Variants in CMIP observed in about 807,000 individuals in gnomAD.
CMIP encodes the protein C-Maf-inducing protein.
CMIP carries 13 observed loss-of-function variants against 97.3 expected under a neutral mutation model. The ratio of observed to expected loss-of-function variants is 0.13; its 90% CI spans 0.09 to 0.21. The LOEUF (loss-of-function observed/expected upper bound fraction) is 0.21. Ranked by LOEUF, CMIP falls within the 10% of genes least tolerant of loss-of-function variation. The probability of loss-of-function intolerance (pLI) is 1.00; values close to 1 mark genes in which losing one functional copy is unlikely to be tolerated. For missense variants in CMIP, 847 were observed against 1,024.9 expected (o/e 0.83, Z 2.37); for synonymous variants, 538 against 436.3 (o/e 1.23, Z -2.91).
chr16:81,672,769 G>A (rs969409750), intron 9 of CMIP, among the ~76,000 whole-genome samples: 1 of 152,266 alleles, frequency 6.6e-6, no homozygotes, highest in East Asian at 1.9e-4. Flanking sequence ...GTAAAGACAG[G>A]ATCTTGCTGT....
intron 3 of CMIP, among the ~76,000 whole-genome samples, chr16:81,623,155 G>T (rs545255642): frequency 6.6e-6 from 1 of 152,302 alleles, no homozygotes; most frequent in South Asian, 2.1e-4. Flanking sequence ...AGTGAGCCAA[G>T]ATTGGTCCAC....
At chr16:81,506,456 A>G (rs1008606902) in intron 1 of CMIP, among the ~76,000 whole-genome samples, 1 of 152,148 alleles carries the variant, frequency 6.6e-6, no homozygotes, top group Non-Finnish European at 1.5e-5. Flanking sequence ...TTACATTGCA[A>G]TTTATTGTTT....
At chr16:81,521,569 G>A (rs762746114) in intron 1 of CMIP, among the ~76,000 whole-genome samples, 20 of 152,180 alleles carry the variant, frequency 1.3e-4, no homozygotes, top group Non-Finnish European at 2.2e-4. Flanking sequence ...TCACCTGAGG[G>A]GAGGGTGCTT....
At chr16:81,588,783 A>C (rs919878624) in intron 1 of CMIP, among the ~76,000 whole-genome samples, 2 of 152,150 alleles carry the variant, frequency 1.3e-5, no homozygotes, top group Non-Finnish European at 2.9e-5. Flanking sequence ...TCTGTGCTGT[A>C]CACGCTGACA....
At chr16:81,479,169 C>T (rs967890080) in intron 1 of CMIP, among the ~76,000 whole-genome samples, 5 of 152,126 alleles carry the variant, frequency 3.3e-5, no homozygotes, top group Non-Finnish European at 7.4e-5. Flanking sequence ...ACAGAGAAAA[C>T]ACATGCGTAG....
intron 10 of CMIP, among the ~76,000 whole-genome samples, chr16:81,690,123 G>A (rs1905885730): frequency 1.3e-5 from 2 of 152,170 alleles, no homozygotes; most frequent in South Asian, 4.1e-4. Flanking sequence ...GCTTAGGATT[G>A]TCTTGGCAAT....
Position 81,444,969 on chromosome 16 carries a change from G to C in CMIP, c.-273G>C, listed in dbSNP as rs1025459222. Reference sequence around the variant, plus strand: ...TCGGCCTCCCCCGCCCCTCCCCGTCGCCCGCCGAGCCCGGTCAGCCGCCGC... The same window carrying C: ...TCGGCCTCCCCCGCCCCTCCCCGTCCCCCGCCGAGCCCGGTCAGCCGCCGC... On this transcript the variant is annotated 5_prime_UTR_variant, in exon 1 of 21. Transcript: ENST00000537098. Among the ~76,000 whole-genome samples, 14 of 129,380 alleles carry C rather than the reference G, an allele frequency of 1.1e-4. No individual in the cohort carries two copies. The highest frequency in any genetic ancestry group is 9.3e-3 in the Middle Eastern group (2 of 214). 84.9% of individuals were successfully genotyped at this position (129,380 alleles called of 152,430 possible).
At chr16:81,562,700 T>C (rs2090906439) in intron 1 of CMIP, among the ~76,000 whole-genome samples, 1 of 152,272 alleles carries the variant, frequency 6.6e-6, no homozygotes, top group African/African-American at 2.4e-5. Flanking sequence ...TTCACTCATC[T>C]GTCCAGTGCC....
At chr16:81,512,368 C>G (rs1419778742) in intron 1 of CMIP, among the ~76,000 whole-genome samples, 1 of 152,170 alleles carries the variant, frequency 6.6e-6, no homozygotes, top group African/African-American at 2.4e-5. Context: ...ATCACCACCC[C>G]CATCACCTTT....
rs755333065 is a variant in CMIP, at chr16:81,693,176, G to A, written c.1473G>A (p.Lys491=). 6.2e-7 allele frequency: 1 copy of A among 1,613,190 alleles called. No homozygotes were observed. Among genetic ancestry groups the A allele is most frequent in the Non-Finnish European group, 8.5e-7 (1 of 1,179,318 alleles). Residue 491 remains lysine (K), a synonymous_variant, in exon 12 of 21, where the codon AAG becomes AAA. Transcript: ENST00000537098. ...GTTGCAGAGCTCTCGCACATGAGAA[G>A]TTCACCAAGTGAGTGTCTGGGCACC... is the stretch of plus-strand genomic sequence containing the variant. The part of the protein sequence containing the change: ...PFPKEALAHE[K]FTKELKYVIQ...
intron 10 of CMIP, among the ~76,000 whole-genome samples, chr16:81,690,947 G>A (rs11644560): frequency 0.26 from 40,133 of 151,456 alleles, 5,427 homozygotes; most frequent in African/African-American, 0.29. Context: ...ATAAATTTTA[G>A]AAAAAGAAAA....
At chr16:81,450,240 G>T (rs1416350561) in intron 1 of CMIP, among the ~76,000 whole-genome samples, 2 of 152,192 alleles carry the variant, frequency 1.3e-5, no homozygotes, top group African/African-American at 4.8e-5. Context: ...CATTGCAGGG[G>T]GTCAGCTTAC....
chr16:81,532,039 G>A (rs368364087), intron 1 of CMIP, among the ~76,000 whole-genome samples: 1 of 152,146 alleles, frequency 6.6e-6, no homozygotes, highest in African/African-American at 2.4e-5. Flanking sequence ...GCACTAAGTC[G>A]GGCGCTTTAT....
intron 16 of CMIP, among the ~76,000 whole-genome samples, chr16:81,702,322 C>T (rs1041615397): frequency 2.6e-5 from 4 of 152,072 alleles, no homozygotes; most frequent in Admixed American, 6.5e-5. Flanking sequence ...TAGAGTCCCC[C>T]GGTGGGATTT....
At chr16:81,460,311 C>A (rs1328850060) in intron 1 of CMIP, among the ~76,000 whole-genome samples, 1 of 152,130 alleles carries the variant, frequency 6.6e-6, no homozygotes, top group African/African-American at 2.4e-5. Flanking sequence ...CCTTTTCCTT[C>A]GGGTTGCCAG....
intron 1 of CMIP, among the ~76,000 whole-genome samples, chr16:81,591,456 A>G (rs146342017): frequency 7.8e-4 from 119 of 152,322 alleles, no homozygotes; most frequent in African/African-American, 2.7e-3. Flanking sequence ...CCTTCTTTCC[A>G]TACTGGCATC....
chr16:81,500,422 C>G (rs1032414361), intron 1 of CMIP, among the ~76,000 whole-genome samples: 2 of 126,430 alleles, frequency 1.6e-5, no homozygotes, highest in African/African-American at 3.0e-5. Context: ...TCCTCCCTCC[C>G]CTCCCTCCCT....
At chr16:81,653,826 T>G (rs893668561) in intron 4 of CMIP, among the ~76,000 whole-genome samples, 2 of 152,252 alleles carry the variant, frequency 1.3e-5, no homozygotes, top group African/African-American at 4.8e-5. Context: ...TTGGCCAGGC[T>G]GGTCTTGAAC....
At chr16:81,597,829 C>T (rs1021839134) in intron 1 of CMIP, among the ~76,000 whole-genome samples, 2 of 152,096 alleles carry the variant, frequency 1.3e-5, no homozygotes, top group South Asian at 2.1e-4. Context: ...GTTCCTCTCA[C>T]CAGCCATCTT....
Sources: allele counts gnomAD v4.1 joint callset (sites outside exome capture counted in the v4.1 genomes callset), GRCh38; gene constraint gnomAD v4.1.1; transcripts MANE v1.5; gene names NCBI Gene and HGNC (gene_info 2026-07-23, HGNC 2026-07-21).